The following LRRTM4 variants were observed in gnomAD, a reference collection of about 807,000 sequenced individuals.
The protein encoded by LRRTM4 is leucine-rich repeat transmembrane neuronal protein 4.
LRRTM4 carries 25 observed loss-of-function variants against 47.6 expected under a neutral mutation model. The ratio of observed to expected loss-of-function variants is 0.53; its 90% confidence interval spans 0.38 to 0.73. The LOEUF (loss-of-function observed/expected upper bound fraction) is 0.73. Among genes scored for constraint, LRRTM4 ranks in the 30% least tolerant of loss-of-function variants. The probability of loss-of-function intolerance (pLI) is 0.00; values close to 1 mark genes in which losing one functional copy is unlikely to be tolerated. For missense variants in LRRTM4, 638 were observed against 713.4 expected (o/e 0.89, Z 1.20); for synonymous variants, 311 against 269.5 (o/e 1.15, Z -1.51).
intron 3 of LRRTM4, among the ~76,000 whole-genome samples, chr2:77,133,580 T>A (rs570051845): frequency 6.7e-6 from 1 of 150,010 alleles, no homozygotes; most frequent in Middle Eastern, 3.4e-3. Flanking sequence ...AGGTTAATGA[T>A]TGAAGGTGTT....
At chr2:77,429,399 T>C (rs1675263999) in intron 3 of LRRTM4, among the ~76,000 whole-genome samples, 1 of 152,044 alleles carries the variant, frequency 6.6e-6, no homozygotes, top group Non-Finnish European at 1.5e-5. Flanking sequence ...ACTCCTGCAC[T>C]CCCATGATTT....
chr2:77,099,865 T>A (rs1670905552), intron 3 of LRRTM4, among the ~76,000 whole-genome samples: 1 of 152,084 alleles, frequency 6.6e-6, no homozygotes, highest in Non-Finnish European at 1.5e-5. Flanking sequence ...AAAAATAAAA[T>A]AATAATATAT....
At chr2:76,956,802 T>A (rs1007953163) in intron 3 of LRRTM4, among the ~76,000 whole-genome samples, 9 of 151,298 alleles carry the variant, frequency 5.9e-5, no homozygotes, top group African/African-American at 2.2e-4. Context: ...TTCAAGAGAT[T>A]ACTATGAAAA....
rs377323039 is a variant in LRRTM4, at chr2:77,066,516, T to C, written c.1552-317600A>G. Among the ~76,000 whole-genome samples the C allele has an allele frequency of 2.2e-4, 33 of 152,332 alleles. 1 individual carries two copies. In the South Asian group the frequency reaches 2.5e-3, roughly 11 times the overall value. On this transcript the variant is annotated intron_variant, in intron 3 of 3. Transcript: ENST00000409884. ...CCACTAAGACACACAAAAACCCGTA[T>C]ATTAATGAATGAGATTTGCGAAGCT... is the stretch of plus-strand genomic sequence containing the variant.
In LRRTM4 at chr2:76,789,192, G is replaced by A. The variant is rs376210935; in HGVS notation, c.1552-40276C>T. ...GGGGTTGCCACCACCTGGAAAGGAT[G>A]CCTGCTTTGTTTTCTTCACACCAAG... is the stretch of plus-strand genomic sequence containing the variant. On this transcript the variant is annotated intron_variant, in intron 3 of 3. Coordinates refer to ENST00000409884, the MANE Select transcript of LRRTM4 (RefSeq NM_001134745.3). Among the ~76,000 whole-genome samples the A allele has an allele frequency of 1.4e-4, 21 of 152,314 alleles. No individual in the cohort carries two copies. In the East Asian group the frequency reaches 3.7e-3, roughly 27 times the overall value.
intron 3 of LRRTM4, among the ~76,000 whole-genome samples, chr2:76,868,583 A>G (rs1672531160): frequency 6.6e-6 from 1 of 152,198 alleles, no homozygotes; most frequent in Admixed American, 6.5e-5. Context: ...GCAGAATAAA[A>G]AAGGCTTGTG....
chr2:76,753,149 G>A (rs755280843), intron 3 of LRRTM4, among the ~76,000 whole-genome samples: 9 of 152,166 alleles, frequency 5.9e-5, no homozygotes, highest in Non-Finnish European at 1.3e-4. Flanking sequence ...AGTAGGTTGT[G>A]AAAGGGAGGA....
At chr2:76,775,495 A>AAT (rs1673929289) in intron 3 of LRRTM4, among the ~76,000 whole-genome samples, 2 of 152,188 alleles carry the variant, frequency 1.3e-5, no homozygotes, top group African/African-American at 4.8e-5. Context: ...ATATACTGGA[A>AAT]AGGTATTTTT....
chr2:77,049,173 C>CAG, intron 3 of LRRTM4, among the ~76,000 whole-genome samples: 1 of 132,878 alleles, frequency 7.5e-6, no homozygotes, highest in South Asian at 2.4e-4. Flanking sequence ...CACACACACA[C>CAG]CACATTTTCT....
At chr2:77,169,758 A>G (rs964114198) in intron 3 of LRRTM4, among the ~76,000 whole-genome samples, 3 of 152,316 alleles carry the variant, frequency 2.0e-5, no homozygotes, top group Admixed American at 6.5e-5. Context: ...TGTAAGCCAC[A>G]TAAGTCTCTG....
intron 3 of LRRTM4, among the ~76,000 whole-genome samples, chr2:77,325,706 A>C (rs1670743741): frequency 6.6e-6 from 1 of 152,092 alleles, no homozygotes; most frequent in African/African-American, 2.4e-5. Context: ...AATATCAAGT[A>C]CTTTCACAGC....
At chr2:76,950,587 T>C (rs1675462850) in intron 3 of LRRTM4, among the ~76,000 whole-genome samples, 1 of 151,968 alleles carries the variant, frequency 6.6e-6, no homozygotes, top group Non-Finnish European at 1.5e-5. Flanking sequence ...CTGCTTAATA[T>C]GGATTTTTTT....
chr2:76,930,446 A>C (rs1271762330), intron 3 of LRRTM4, among the ~76,000 whole-genome samples: 1 of 152,112 alleles, frequency 6.6e-6, no homozygotes, highest in Non-Finnish European at 1.5e-5. Context: ...TCCTTTTTGC[A>C]CATATTGGCT....
At chr2:76,900,824 T>C (rs1673599336) in intron 3 of LRRTM4, among the ~76,000 whole-genome samples, 2 of 152,322 alleles carry the variant, frequency 1.3e-5, no homozygotes, top group African/African-American at 4.8e-5. Context: ...ATATGCTAAG[T>C]AAAAACAGTG....
intron 3 of LRRTM4, among the ~76,000 whole-genome samples, chr2:76,916,611 AAAG>A (rs1170820911): frequency 6.6e-6 from 1 of 152,084 alleles, no homozygotes; most frequent in African/African-American, 2.4e-5. Context: ...CCCAGTTAGA[AAAG>A]AAGAATGGAG....
At chr2:76,902,314 A>G (rs1042641007) in intron 3 of LRRTM4, among the ~76,000 whole-genome samples, 2 of 152,122 alleles carry the variant, frequency 1.3e-5, no homozygotes, top group Admixed American at 6.6e-5. Context: ...TCCCTTTTTT[A>G]TCTATCTTTT....
chr2:76,909,000 G>A (rs1304309622), intron 3 of LRRTM4, among the ~76,000 whole-genome samples: 2 of 152,052 alleles, frequency 1.3e-5, no homozygotes, highest in Admixed American at 6.6e-5. Context: ...CTACTTTAAA[G>A]TTCACATGGA....
intron 3 of LRRTM4, among the ~76,000 whole-genome samples, chr2:77,453,570 C>T (rs889988443): frequency 2.4e-4 from 36 of 152,156 alleles, no homozygotes; most frequent in African/African-American, 8.7e-4. Context: ...AAAGATTACA[C>T]AGTTGATCCT....
Position 76,796,371 on chromosome 2 carries a change from GACAA to G in LRRTM4, c.1552-47459_1552-47456del, listed in dbSNP as rs1201229599. ...GCTCCACCTCTGGGGGCAGGGCACA[GACAA>G]ACAAAAAGACAGCAGTAACCTCTGC... On this transcript the variant is annotated intron_variant, in intron 3 of 3. Transcript: ENST00000409884. Among the ~76,000 whole-genome samples the G allele has an allele frequency of 6.2e-5, 8 of 129,290 alleles. 1 individual carries two copies. Among genetic ancestry groups the G allele is most frequent in the Non-Finnish European group, 1.1e-4 (7 of 61,344 alleles). 84.8% of individuals were successfully genotyped at this position (129,290 alleles called of 152,430 possible). A position where few individuals can be genotyped will look rare whatever the true frequency, so the allele number is the denominator to read the frequency against.
Sources: gnomAD v4.1 joint callset for allele counts (sites outside exome capture counted in the v4.1 genomes callset) on GRCh38, gnomAD v4.1.1 for gene constraint, MANE v1.5 for transcripts, NCBI Gene and HGNC (gene_info 2026-07-23, HGNC 2026-07-21) for gene names.